Variants in PIBF1 observed in about 807,000 individuals in gnomAD.
PIBF1 encodes progesterone immunomodulatory binding factor 1.
PIBF1 carries 90 observed loss-of-function variants against 112.5 expected under a neutral mutation model. That is an observed-to-expected ratio of 0.80 (90% confidence interval 0.67 to 0.95). PIBF1 has a LOEUF of 0.95. PIBF1 is among the 40% of genes least tolerant of loss of function. The probability of loss-of-function intolerance (pLI) is 0.00; values close to 1 mark genes in which losing one functional copy is unlikely to be tolerated. For missense variants in PIBF1, 915 were observed against 852.3 expected (o/e 1.07, Z -0.92); for synonymous variants, 301 against 288.6 (o/e 1.04, Z -0.44).
intron 11 of PIBF1, among the ~76,000 whole-genome samples, chr13:72,901,910 CAT>C (rs1262015450): frequency 2.0e-5 from 3 of 151,468 alleles, no homozygotes; most frequent in Admixed American, 6.6e-5. Flanking sequence ...CTTGCACACA[CAT>C]GTTTATAGCA....
At chr13:72,805,758 T>G (rs1416236228) in intron 5 of PIBF1, among the ~76,000 whole-genome samples, 1 of 152,216 alleles carries the variant, frequency 6.6e-6, no homozygotes, top group African/African-American at 2.4e-5. Flanking sequence ...TAGGTGTAAT[T>G]GCTTGAAAGC....
chr13:72,787,061 A>G (rs1274149315), intron 2 of PIBF1, among the ~76,000 whole-genome samples: 1 of 152,178 alleles, frequency 6.6e-6, no homozygotes, highest in African/African-American at 2.4e-5. Context: ...TTTAAAAAAT[A>G]TTTTTATTAA....
chr13:72,809,132 CTTT>C (rs35219701), intron 5 of PIBF1, among the ~76,000 whole-genome samples: 114 of 74,822 alleles, frequency 1.5e-3, no homozygotes, highest in African/African-American at 6.2e-3. Flanking sequence ...GTATATGTCC[CTTT>C]TTTTTTTTTT....
intron 5 of PIBF1, among the ~76,000 whole-genome samples, chr13:72,805,105 C>A (rs1345851628): frequency 6.6e-6 from 1 of 152,176 alleles, no homozygotes; most frequent in Non-Finnish European, 1.5e-5. Context: ...TCCCAAGTAG[C>A]TGGGATTACA....
Position 72,835,574 on chromosome 13 carries a change from G to A in PIBF1, c.1223+206G>A, listed in dbSNP as rs1189227147. Among the ~76,000 whole-genome samples, 4 of 115,458 alleles carry A rather than the reference G, an allele frequency of 3.5e-5. No homozygotes were observed. The Admixed American group carries it at 4.0e-4, about 12-fold the overall frequency. The allele number at this position is 115,458 out of a possible 152,430, so 75.7% of individuals were successfully genotyped here. A position where few individuals can be genotyped will look rare whatever the true frequency, so the allele number is the denominator to read the frequency against. On this transcript the variant is annotated intron_variant, in intron 9 of 17. Transcript: ENST00000326291. ...TACTAGACTTTAACCTTTTTGCTCT[G>A]TTATTCCTGTTATGTCTTTTTTTTT... is the stretch of plus-strand genomic sequence containing the variant.
intron 16 of PIBF1, among the ~76,000 whole-genome samples, chr13:72,997,053 G>T (rs777047598): frequency 2.0e-4 from 30 of 152,188 alleles, no homozygotes; most frequent in Non-Finnish European, 3.2e-4. Context: ...ATAAAGCAAA[G>T]ATGTGAATTT....
intron 14 of PIBF1, among the ~76,000 whole-genome samples, chr13:72,938,571 A>G (rs1019334931): frequency 3.3e-5 from 5 of 152,164 alleles, no homozygotes; most frequent in African/African-American, 1.2e-4. Context: ...TCCATTTTGC[A>G]GATTAACTAC....
intron 17 of PIBF1, among the ~76,000 whole-genome samples, chr13:73,009,019 G>T (rs531322698): frequency 6.6e-6 from 1 of 152,320 alleles, no homozygotes. Flanking sequence ...GTGGCCCTAT[G>T]AAGTCATCAG....
At chr13:72,892,068 G>A (rs1433972027) in intron 10 of PIBF1, among the ~76,000 whole-genome samples, 1 of 152,028 alleles carries the variant, frequency 6.6e-6, no homozygotes, top group Non-Finnish European at 1.5e-5. Flanking sequence ...TGGGGACTTT[G>A]TAGGGTAATT....
chr13:72,883,590 T>G (rs2039728239), intron 10 of PIBF1, among the ~76,000 whole-genome samples: 1 of 152,070 alleles, frequency 6.6e-6, no homozygotes, highest in Non-Finnish European at 1.5e-5. Flanking sequence ...CAGGTTCAAG[T>G]GATTGTCCTG....
At chr13:73,012,117 C>T (rs1338848948) in intron 17 of PIBF1, among the ~76,000 whole-genome samples, 2 of 152,028 alleles carry the variant, frequency 1.3e-5, no homozygotes, top group Admixed American at 6.6e-5. Context: ...TTTGGGAGGC[C>T]GAGGCGAGCA....
rs67195605 is a variant in PIBF1 at position 72,985,371 on chromosome 13, C to CAAAAAAAAAAAAAAAAAAAA, written c.2049+11699_2049+11718dup. 2.6e-5 allele frequency among the ~76,000 whole-genome samples: 2 copies of CAAAAAAAAAAAAAAAAAAAA among 76,284 alleles called. 1 individual carries two copies. The highest frequency in any genetic ancestry group is 4.6e-5 in the Non-Finnish European group (2 of 43,288). The allele number at this position is 76,284 out of a possible 152,430, so 50.0% of individuals were successfully genotyped here. A position where few individuals can be genotyped will look rare whatever the true frequency, so the allele number is the denominator to read the frequency against. On this transcript the variant is annotated intron_variant, in intron 16 of 17. Transcript: ENST00000326291. ...TGAAACCCTGTCTCTACTAAAAATA[C>CAAAAAAAAAAAAAAAAAAAA]AAAAAAAAAAAAAAAAAAAAAAGCC...
At chr13:72,972,430 G>A (rs977735403) in intron 15 of PIBF1, among the ~76,000 whole-genome samples, 2 of 152,162 alleles carry the variant, frequency 1.3e-5, no homozygotes, top group South Asian at 2.1e-4. Context: ...TCGGGAGGCC[G>A]AGGTGGGCAG....
At chr13:72,957,701 G>T (rs952488532) in intron 14 of PIBF1, among the ~76,000 whole-genome samples, 1 of 152,086 alleles carries the variant, frequency 6.6e-6, no homozygotes, top group Non-Finnish European at 1.5e-5. Flanking sequence ...CCAGCTACTT[G>T]GGAGGCCAGG....
chr13:72,910,055 A>G (rs2040843697), intron 12 of PIBF1, among the ~76,000 whole-genome samples: 1 of 152,180 alleles, frequency 6.6e-6, no homozygotes, highest in African/African-American at 2.4e-5. Context: ...TTGAATTTGA[A>G]TCTAGGTAGG....
At chr13:72,989,841 C>T (rs6562735) in intron 16 of PIBF1, among the ~76,000 whole-genome samples, 1 of 151,970 alleles carries the variant, frequency 6.6e-6, no homozygotes, top group Non-Finnish European at 1.5e-5. Flanking sequence ...ATTGAAGTTG[C>T]GCAGTGGAAA....
chr13:72,859,370 A>T (rs1284886640), intron 10 of PIBF1, among the ~76,000 whole-genome samples: 1 of 152,140 alleles, frequency 6.6e-6, no homozygotes. Context: ...TATGGGAGCA[A>T]TTCAAGGCCA....
chr13:72,995,944 A>G (rs1198487829), intron 16 of PIBF1, among the ~76,000 whole-genome samples: 3 of 133,636 alleles, frequency 2.2e-5, no homozygotes, highest in Non-Finnish European at 5.0e-5. Context: ...GCGAGACTCC[A>G]TCTCAAAAAA....
intron 11 of PIBF1, among the ~76,000 whole-genome samples, chr13:72,906,127 T>G (rs967822906): frequency 6.6e-6 from 1 of 152,134 alleles, no homozygotes; most frequent in African/African-American, 2.4e-5. Context: ...TTATAATTAA[T>G]TTATAGAGAA....
Sources: gnomAD v4.1 joint callset for allele counts (sites outside exome capture counted in the v4.1 genomes callset) on GRCh38, gnomAD v4.1.1 for gene constraint, MANE v1.5 for transcripts, NCBI Gene and HGNC (gene_info 2026-07-23, HGNC 2026-07-21) for gene names.